The following MCU variants were observed in gnomAD, a reference collection of about 807,000 sequenced individuals.
The protein encoded by MCU is mitochondrial calcium uniporter.
MCU carries 12 observed loss-of-function variants against 45.2 expected under a neutral mutation model. That is an observed-to-expected ratio of 0.27 (90% CI 0.17 to 0.43). MCU has a LOEUF of 0.43. MCU is among the 20% of genes least tolerant of loss of function. MCU has a pLI of 1.00. For synonymous variants in MCU, 160 were observed against 165.1 expected, an observed-to-expected ratio of 0.97 and a Z score of 0.24; for missense variants, 324 against 436.7, an observed-to-expected ratio of 0.74 and a Z score of 2.30.
chr10:72,869,574 C>T (rs1380611841), intron 5 of MCU, among the ~76,000 whole-genome samples: 2 of 152,090 alleles, frequency 1.3e-5, no homozygotes, highest in Middle Eastern at 3.4e-3. Context: ...GACGACAGAG[C>T]GAGACTGTCT....
At chr10:72,751,341 C>CTTCTTTTTTT (rs1474252109) in intron 1 of MCU, among the ~76,000 whole-genome samples, 15 of 44,750 alleles carry the variant, frequency 3.4e-4, no homozygotes, top group African/African-American at 1.3e-3. Context: ...TCTTCTTCTT[C>CTTCTTTTTTT]TTTTTTTTTT....
intron 1 of MCU, chr10:72,692,831 G>T: frequency 7.0e-7 from 1 of 1,425,240 alleles, no homozygotes; most frequent in Non-Finnish European, 9.1e-7. Flanking sequence ...TCTCGTCCCC[G>T]AGGGGTCGGG....
intron 1 of MCU, chr10:72,760,716 CTTT>C (rs965659813): frequency 2.2e-5 from 3 of 135,002 alleles, no homozygotes; most frequent in Non-Finnish European, 4.6e-5. Context: ...TTTTTTCTTT[CTTT>C]TTTTTTTTTT....
chr10:72,714,330 T>TC (rs1842931036), intron 1 of MCU, among the ~76,000 whole-genome samples: 1 of 147,702 alleles, frequency 6.8e-6, no homozygotes, highest in Non-Finnish European at 1.5e-5. Flanking sequence ...TTACTTCAGT[T>TC]CCCCCCGCCC....
Position 72,771,764 on chromosome 10 carries a change from G to A in MCU, c.151-62595G>A, listed in dbSNP as rs185002721. ...GGTTTGCTGCACCTATCTACCTATC[G>A]TCTAGGTTTTAAGCCTTGCATTCAT... On this transcript the variant is annotated intron_variant, in intron 1 of 7. Coordinates refer to ENST00000373053, the MANE Select transcript of MCU (RefSeq NM_138357.3). Among the ~76,000 whole-genome samples, 56 of 152,128 alleles carry A rather than the reference G, an allele frequency of 3.7e-4. 1 individual carries two copies. Among genetic ancestry groups the A allele is most frequent in the Admixed American group, 1.3e-3 (20 of 15,278 alleles).
chr10:72,788,131 C>A (rs113718185), intron 1 of MCU, among the ~76,000 whole-genome samples: 4 of 152,208 alleles, frequency 2.6e-5, no homozygotes, highest in Non-Finnish European at 5.9e-5. Context: ...AGAACAGGTT[C>A]TTTTCTGTGT....
chr10:72,810,461 C>CTTTTTTTTTTTTTTT, intron 1 of MCU, among the ~76,000 whole-genome samples: 1 of 73,408 alleles, frequency 1.4e-5, no homozygotes, highest in Non-Finnish European at 2.6e-5. Context: ...ATTATGTTGC[C>CTTTTTTTTTTTTTTT]TTTTTTTTTT....
rs191484041 is a variant in MCU at position 72,713,857 on chromosome 10, C to T, written c.150+21556C>T. ...GACTTTTTTAATTTAAAAAATGTTT[C>T]TTATTTCTTCATTGTTTGTTAGGGT... On this transcript the variant is annotated intron_variant, in intron 1 of 7. Coordinates refer to ENST00000373053, the MANE Select transcript of MCU (RefSeq NM_138357.3). 3.8e-3 allele frequency among the ~76,000 whole-genome samples: 571 copies of T among 151,210 alleles called. 4 individuals carry two copies. The highest frequency in any genetic ancestry group is 0.031 in the Middle Eastern group (9 of 292).
intron 1 of MCU, among the ~76,000 whole-genome samples, chr10:72,723,145 G>A (rs1026093239): frequency 1.4e-4 from 22 of 152,112 alleles, no homozygotes; most frequent in African/African-American, 2.7e-4. Context: ...GCAGTGAGCC[G>A]AGATTGGGCC....
At chr10:72,705,453 G>A (rs551226311) in intron 1 of MCU, among the ~76,000 whole-genome samples, 2 of 151,862 alleles carry the variant, frequency 1.3e-5, no homozygotes, top group East Asian at 3.9e-4. Context: ...AGGCTGAGGT[G>A]GGTGGATCAC....
At chr10:72,710,899 C>T (rs1043077132) in intron 1 of MCU, among the ~76,000 whole-genome samples, 14 of 151,918 alleles carry the variant, frequency 9.2e-5, no homozygotes, top group Non-Finnish European at 1.9e-4. Flanking sequence ...TTAAACTGGC[C>T]GGGCGCAGTG....
intron 1 of MCU, among the ~76,000 whole-genome samples, chr10:72,712,110 C>T (rs1336750283): frequency 3.9e-5 from 6 of 151,914 alleles, no homozygotes; most frequent in South Asian, 2.1e-4. Context: ...ACTACTTTGG[C>T]GTTTCTGTCT....
chr10:72,790,806 A>G lies in MCU; in HGVS notation c.151-43553A>G, dbSNP rs536916720. Among the ~76,000 whole-genome samples, 11 of 152,312 alleles carry G rather than the reference A, an allele frequency of 7.2e-5. 1 individual carries two copies. The South Asian group carries it at 2.3e-3, about 32-fold the overall frequency. ...GTTCTTTTGTGAATAACACCACTTC[A>G]GTCGAAATGTAATCTCCTAGGATCT... On this transcript the variant is annotated intron_variant, in intron 1 of 7. Coordinates refer to ENST00000373053, the MANE Select transcript of MCU (RefSeq NM_138357.3).
chr10:72,845,857 G>A (rs1369762751), intron 2 of MCU, among the ~76,000 whole-genome samples: 4 of 151,726 alleles, frequency 2.6e-5, no homozygotes, highest in African/African-American at 4.8e-5. Context: ...CCAGAAATAC[G>A]ATCCAACTTT....
chr10:72,715,575 G>C (rs1310197450), intron 1 of MCU, among the ~76,000 whole-genome samples: 1 of 152,214 alleles, frequency 6.6e-6, no homozygotes, highest in African/African-American at 2.4e-5. Context: ...CCAAGGGTCT[G>C]TCTGCTGGTG....
intron 1 of MCU, among the ~76,000 whole-genome samples, chr10:72,799,528 C>T (rs1162886499): frequency 6.6e-6 from 1 of 151,298 alleles, no homozygotes; most frequent in African/African-American, 2.4e-5. Context: ...CACTATGTTG[C>T]TCAGGCTGTA....
chr10:72,811,972 A>G (rs1430481264), intron 1 of MCU, among the ~76,000 whole-genome samples: 1 of 151,930 alleles, frequency 6.6e-6, no homozygotes, highest in Non-Finnish European at 1.5e-5. Flanking sequence ...TATTCAGCCA[A>G]CCCTGTGTTC....
chr10:72,867,266 C>T (rs1200813016), intron 4 of MCU, among the ~76,000 whole-genome samples: 1 of 151,864 alleles, frequency 6.6e-6, no homozygotes, highest in African/African-American at 2.4e-5. Flanking sequence ...CTGTACCTAA[C>T]ATTTAAAGTT....
intron 1 of MCU, among the ~76,000 whole-genome samples, chr10:72,811,341 T>C (rs916839426): frequency 6.6e-6 from 1 of 152,236 alleles, no homozygotes; most frequent in African/African-American, 2.4e-5. Context: ...TGTTAATGTG[T>C]TCATGTGTGT....
Sources: allele counts gnomAD v4.1 joint callset (sites outside exome capture counted in the v4.1 genomes callset), GRCh38; gene constraint gnomAD v4.1.1; transcripts MANE v1.5; gene names NCBI Gene and HGNC (gene_info 2026-07-23, HGNC 2026-07-21).